PDE12: variants seen among roughly 807,000 people sequenced by gnomAD.
PDE12 encodes the protein 2',5'-phosphodiesterase 12.
In PDE12, 26 loss-of-function variants were observed where a neutral mutation model predicts 45.4. The ratio of observed to expected loss-of-function variants is 0.57; its 90% confidence interval spans 0.42 to 0.79. The LOEUF (loss-of-function observed/expected upper bound fraction) is 0.79, where lower values mean the gene tolerates loss of function less well. PDE12 is among the 30% of genes least tolerant of loss of function. The pLI, the probability that PDE12 is intolerant of heterozygous loss-of-function variation, is 0.00. For synonymous variants in PDE12, 283 were observed against 323.9 expected, an observed-to-expected ratio of 0.87 and a Z score of 1.36; for missense variants, 668 against 790.0, an observed-to-expected ratio of 0.85 and a Z score of 1.85.
Position 57,563,016 on chromosome 3 carries a change from G to T in PDE12, c.*3012G>T, listed in dbSNP as rs2153407681. 1 of 152,278 alleles carries T rather than the reference G, an allele frequency of 6.6e-6. No individual in the cohort carries two copies. Among genetic ancestry groups the T allele is most frequent in the African/African-American group, 2.4e-5 (1 of 41,582 alleles). 9.4% of individuals were successfully genotyped at this position (152,278 alleles called of 1,614,324 possible). ...GTGGAAAGTTCTTACGATGGAAATT[G>T]ACATCTTTTGTATCTCATTCTCCAG... On this transcript the variant is annotated 3_prime_UTR_variant, in exon 3 of 3. Coordinates refer to ENST00000311180, the MANE Select transcript of PDE12 (RefSeq NM_177966.7).
chr3:57,616,956 G>A, the PDE12 span, among the ~76,000 whole-genome samples: 2 of 152,100 alleles, frequency 1.3e-5, no homozygotes, highest in African/African-American at 4.8e-5. Context: ...CCCGGGAAGC[G>A]GAGGTTGCAG....
the PDE12 span, chr3:57,597,312 G>A: frequency 1.5e-5 from 9 of 605,218 alleles, no homozygotes; most frequent in African/African-American, 7.6e-5. Context: ...ATCCGGCACA[G>A]GAATAAGCCG....
the PDE12 span, among the ~76,000 whole-genome samples, chr3:57,591,606 A>G: frequency 2.6e-5 from 4 of 151,984 alleles, no homozygotes; most frequent in African/African-American, 9.7e-5. Context: ...TGCTGGGACT[A>G]CAGGTATCTG....
the PDE12 span, chr3:57,634,778 A>G: frequency 2.3e-5 from 35 of 1,542,768 alleles, no homozygotes; most frequent in Non-Finnish European, 2.9e-5. Context: ...ACCTGAAGGA[A>G]GCAGCATAAA....
At chr3:57,600,794 T>C in the PDE12 span, 1 of 152,172 alleles carries the variant, frequency 6.6e-6, no homozygotes, top group African/African-American at 2.4e-5. Context: ...GAGGCCAAGA[T>C]GGGAGACTCA....
At chr3:57,643,044 T>A in the PDE12 span, among the ~76,000 whole-genome samples, 1 of 147,596 alleles carries the variant, frequency 6.8e-6, no homozygotes. Context: ...CTGGAAGAAA[T>A]TTGGAAGTTA....
the PDE12 span, among the ~76,000 whole-genome samples, chr3:57,643,417 C>A: frequency 6.6e-6 from 1 of 152,054 alleles, no homozygotes; most frequent in Non-Finnish European, 1.5e-5. Context: ...CCCCTCCCCC[C>A]ACAACACACA....
At chr3:57,591,495 C>G in the PDE12 span, among the ~76,000 whole-genome samples, 1 of 146,638 alleles carries the variant, frequency 6.8e-6, no homozygotes, top group Non-Finnish European at 1.5e-5. Flanking sequence ...GAGACAGAGT[C>G]TCACTCTGTC....
chr3:57,559,228 CA>C, intron 1 of PDE12, 81 bp from the exon 2 acceptor site: 1 of 1,238,334 alleles, frequency 8.1e-7, no homozygotes, highest in South Asian at 1.3e-5. Flanking sequence ...CGAAAAAACT[CA>C]AAAAAACAAA....
At chr3:57,617,553 C>T in the PDE12 span, among the ~76,000 whole-genome samples, 1 of 152,114 alleles carries the variant, frequency 6.6e-6, no homozygotes, top group Admixed American at 6.6e-5. Flanking sequence ...ACATGGAATC[C>T]ACCCAGGTGC....
chr3:57,585,396 A>G, the PDE12 span, among the ~76,000 whole-genome samples: 4 of 152,286 alleles, frequency 2.6e-5, no homozygotes, highest in East Asian at 7.7e-4. Flanking sequence ...AATGATAATA[A>G]AGGAAGATGA....
At chr3:57,600,123 A>C in the PDE12 span, 5 of 151,850 alleles carry the variant, frequency 3.3e-5, no homozygotes, top group Non-Finnish European at 7.4e-5. Context: ...ACCTCCTGGG[A>C]TCAAGTGATC....
chr3:57,568,583 CTTT>C (rs764411740), downstream of PDE12, among the ~76,000 whole-genome samples: 17 of 136,626 alleles, frequency 1.2e-4, no homozygotes, highest in African/African-American at 3.7e-4. Flanking sequence ...AGATACACTT[CTTT>C]TTTTTTTTTT....
chr3:57,562,274 T>A lies in PDE12; in HGVS notation c.*2270T>A, dbSNP rs1199946049. 1.6e-5 allele frequency: 3 copies of A among 189,882 alleles called. No individual in the cohort carries two copies. The highest frequency in any genetic ancestry group is 7.1e-5 in the African/African-American group (3 of 42,060). 11.8% of individuals were successfully genotyped at this position (189,882 alleles called of 1,614,324 possible). Reference sequence around the variant, plus strand: ...AGAAAAACTCAGCACTTAACAGACATTCCATGTCCTATATCCTTAATTTTG... The same window carrying A: ...AGAAAAACTCAGCACTTAACAGACAATCCATGTCCTATATCCTTAATTTTG... On this transcript the variant is annotated 3_prime_UTR_variant, in exon 3 of 3. Coordinates refer to ENST00000311180, the MANE Select transcript of PDE12 (RefSeq NM_177966.7).
the PDE12 span, among the ~76,000 whole-genome samples, chr3:57,656,345 A>G: frequency 3.9e-5 from 6 of 152,226 alleles, no homozygotes; most frequent in African/African-American, 1.4e-4. Flanking sequence ...TGTTGCATGT[A>G]TCAACTGTTC....
chr3:57,557,863 T>C (rs988757404), intron 1 of PDE12, among the ~76,000 whole-genome samples, 176 bp downstream of exon 1: 3 of 152,200 alleles, frequency 2.0e-5, no homozygotes, highest in Admixed American at 6.5e-5. Flanking sequence ...AGATATTTTT[T>C]GAACACCTCT....
chr3:57,583,357 T>C, the PDE12 span, among the ~76,000 whole-genome samples: 2 of 152,190 alleles, frequency 1.3e-5, no homozygotes, highest in African/African-American at 4.8e-5. Flanking sequence ...AAGGTCCCCA[T>C]GTGATTCTTA....
the PDE12 span, among the ~76,000 whole-genome samples, chr3:57,609,541 A>G: frequency 6.6e-6 from 1 of 152,204 alleles, no homozygotes; most frequent in South Asian, 2.1e-4. Flanking sequence ...ATAAAAAATG[A>G]TAAGGGGGAT....
the PDE12 span, among the ~76,000 whole-genome samples, chr3:57,575,889 C>A: frequency 2.0e-5 from 3 of 152,154 alleles, no homozygotes; most frequent in African/African-American, 7.2e-5. Flanking sequence ...GAACTGTTTT[C>A]CAAGTCAATC....
Sources: allele counts gnomAD v4.1 joint callset (sites outside exome capture counted in the v4.1 genomes callset), GRCh38; gene constraint gnomAD v4.1.1; transcripts MANE v1.5; gene names NCBI Gene and HGNC (gene_info 2026-07-23, HGNC 2026-07-21).